Variants in BMPR2 observed in about 807,000 individuals in gnomAD.
BMPR2 encodes the protein bone morphogenetic protein receptor type-2.
Under a neutral mutation model 100.8 loss-of-function variants are expected in BMPR2, and 29 were observed. The observed-to-expected ratio is 0.29, with a 90% CI of 0.21 to 0.39. The LOEUF is 0.39. BMPR2 is among the 10% of genes least tolerant of loss of function. BMPR2 has a pLI of 1.00. For synonymous variants in BMPR2, 382 were observed against 442.3 expected (o/e 0.86, Z 1.71); for missense variants, 1,011 against 1,274.5 (o/e 0.79, Z 3.15).
At chr2:202,438,948 C>T (rs1231036716) in intron 1 of BMPR2, among the ~76,000 whole-genome samples, 1 of 150,542 alleles carries the variant, frequency 6.6e-6, no homozygotes, top group African/African-American at 2.5e-5. Context: ...TTTGGCTATT[C>T]TGGGTCCTTT....
intron 3 of BMPR2, among the ~76,000 whole-genome samples, chr2:202,472,952 A>C (rs982087304): frequency 6.6e-6 from 1 of 152,260 alleles, no homozygotes; most frequent in Admixed American, 6.5e-5. Context: ...TGGCTTTTGC[A>C]CTAACCTCAA....
Position 202,555,153 on chromosome 2 carries a change from A to G in BMPR2, c.1587-99A>G, listed in dbSNP as rs185729797. 1.6e-3 allele frequency: 1,840 copies of G among 1,139,744 alleles called. 7 individuals carry two copies. Among genetic ancestry groups the G allele is most frequent in the South Asian group, 8.8e-3 (649 of 73,694 alleles). 70.6% of individuals were successfully genotyped at this position (1,139,744 alleles called of 1,614,324 possible). A position where few individuals can be genotyped will look rare whatever the true frequency, so the allele number is the denominator to read the frequency against. On this transcript the variant is annotated intron_variant, in intron 11 of 12. Coordinates refer to ENST00000374580, the MANE Select transcript of BMPR2 (RefSeq NM_001204.7). The stretch of plus-strand genomic sequence containing the variant: ...AAAAATGTACGTTTGGAAGAAAATG[A>G]AAAACAACTCAGACTTTAAAATCAG...
rs576966590 is a variant in BMPR2, at chr2:202,521,040, C to G, written c.967+839C>G. 3 of 153,634 alleles carry G rather than the reference C, an allele frequency of 2.0e-5. No individual in the cohort carries two copies. The East Asian group carries it at 5.8e-4, about 30-fold the overall frequency. The allele number at this position is 153,634 out of a possible 1,614,324, so 9.5% of individuals were successfully genotyped here. On this transcript the variant is annotated intron_variant, in intron 7 of 12. Transcript: ENST00000374580. Reference sequence around the variant, plus strand: ...CTCATGCTTGTCCTGGCCTGCTCTTCCTCCATTGTTGCCATGGGGATGTAG... The same window carrying G: ...CTCATGCTTGTCCTGGCCTGCTCTTGCTCCATTGTTGCCATGGGGATGTAG...
chr2:202,549,488 A>G (rs889021005), intron 10 of BMPR2, among the ~76,000 whole-genome samples: 7 of 152,136 alleles, frequency 4.6e-5, no homozygotes, highest in Non-Finnish European at 1.0e-4. Flanking sequence ...TGTGGTAGGT[A>G]TATGTTTAAC....
At chr2:202,547,141 G>A (rs1005264007) in intron 10 of BMPR2, among the ~76,000 whole-genome samples, 2 of 152,056 alleles carry the variant, frequency 1.3e-5, no homozygotes, top group South Asian at 2.1e-4. Context: ...TATAGGCCAC[G>A]TTTATTTTAA....
intron 1 of BMPR2, among the ~76,000 whole-genome samples, chr2:202,409,373 A>G (rs1160384693): frequency 1.3e-5 from 2 of 152,092 alleles, no homozygotes; most frequent in African/African-American, 4.8e-5. Context: ...TTACACATAT[A>G]TTTCAAAAAA....
intron 1 of BMPR2, among the ~76,000 whole-genome samples, chr2:202,453,611 A>G (rs1350052303): frequency 1.3e-5 from 2 of 152,222 alleles, no homozygotes; most frequent in East Asian, 3.8e-4. Flanking sequence ...AATTAAAACA[A>G]TTGAACTCAT....
chr2:202,513,525 A>G (rs1472899523), intron 3 of BMPR2, among the ~76,000 whole-genome samples, 194 bp from the exon 4 acceptor site: 2 of 152,216 alleles, frequency 1.3e-5, no homozygotes, highest in Non-Finnish European at 2.9e-5. Context: ...TCTATACAGA[A>G]TAGTCTGTAT....
chr2:202,533,861 T>C (rs1011117742), intron 9 of BMPR2, among the ~76,000 whole-genome samples: 5 of 152,170 alleles, frequency 3.3e-5, no homozygotes, highest in Non-Finnish European at 7.3e-5. Context: ...TGAATGTTTG[T>C]TTGAGGCTTA....
At chr2:202,392,880 T>G (rs578187249) in intron 1 of BMPR2, among the ~76,000 whole-genome samples, 46 of 151,320 alleles carry the variant, frequency 3.0e-4, no homozygotes, top group African/African-American at 1.1e-3. Context: ...TAATCCCAAC[T>G]ACTTGGAAGG....
Position 202,401,422 on chromosome 2 carries a change from C to A in BMPR2, c.76+23872C>A, listed in dbSNP as rs577549441. 5.1e-4 allele frequency among the ~76,000 whole-genome samples: 78 copies of A among 152,118 alleles called. 2 individuals are homozygous for A. The South Asian group carries it at 0.016, about 31-fold the overall frequency. ...AGAACTTTGCTGAAGCATTTCAAGG[C>A]AAAGGTATTAAAATAAAAATAGATA... is the stretch of plus-strand genomic sequence containing the variant. On this transcript the variant is annotated intron_variant, in intron 1 of 12. Transcript: ENST00000374580.
intron 1 of BMPR2, among the ~76,000 whole-genome samples, chr2:202,416,666 C>T (rs1325221812): frequency 1.3e-5 from 2 of 151,604 alleles, no homozygotes; most frequent in African/African-American, 2.4e-5. Flanking sequence ...CCTCGTGATC[C>T]GCCCGCCTCA....
At chr2:202,483,538 ACAGGTGTG>A (rs1692706082) in intron 3 of BMPR2, among the ~76,000 whole-genome samples, 1 of 151,776 alleles carries the variant, frequency 6.6e-6, no homozygotes. Context: ...AGCTGGGATT[ACAGGTGTG>A]TGCTACCACA....
intron 3 of BMPR2, among the ~76,000 whole-genome samples, chr2:202,508,964 T>C (rs1473171427): frequency 6.6e-6 from 1 of 152,156 alleles, no homozygotes; most frequent in Non-Finnish European, 1.5e-5. Flanking sequence ...TATGGAAAAA[T>C]AGGACACAGT....
chr2:202,497,526 C>A (rs1255432319), intron 3 of BMPR2, among the ~76,000 whole-genome samples: 1 of 152,212 alleles, frequency 6.6e-6, no homozygotes, highest in Non-Finnish European at 1.5e-5. Context: ...TGCCTAGAAC[C>A]AGCTTCCGCT....
chr2:202,509,627 T>C (rs887538768), intron 3 of BMPR2, among the ~76,000 whole-genome samples: 1 of 151,870 alleles, frequency 6.6e-6, no homozygotes, highest in Non-Finnish European at 1.5e-5. Flanking sequence ...TGTACAACTT[T>C]TGGTTTTTCA....
At chr2:202,405,494 T>C (rs532130447) in intron 1 of BMPR2, among the ~76,000 whole-genome samples, 3 of 151,868 alleles carry the variant, frequency 2.0e-5, no homozygotes, top group African/African-American at 7.2e-5. Flanking sequence ...CGAGACCATC[T>C]TGGCTAACAC....
chr2:202,486,723 A>G (rs181771913), intron 3 of BMPR2, among the ~76,000 whole-genome samples: 252 of 152,126 alleles, frequency 1.7e-3, no homozygotes, highest in African/African-American at 5.8e-3. Flanking sequence ...GGACCATTCT[A>G]CTTAGAATAA....
chr2:202,494,970 C>A (rs1160677433), intron 3 of BMPR2, among the ~76,000 whole-genome samples: 6 of 152,148 alleles, frequency 3.9e-5, no homozygotes, highest in Admixed American at 3.9e-4. Flanking sequence ...TGGCTCACTT[C>A]TTAAGTGCCC....
Sources: allele counts gnomAD v4.1 joint callset (sites outside exome capture counted in the v4.1 genomes callset), GRCh38; gene constraint gnomAD v4.1.1; transcripts MANE v1.5; gene names NCBI Gene and HGNC (gene_info 2026-07-23, HGNC 2026-07-21).